The following PHEX variants were observed in gnomAD, a reference collection of about 807,000 sequenced individuals.
PHEX encodes phosphate regulating endopeptidase X-linked, also known as phosphate-regulating neutral endopeptidase PHEX.
PHEX carries 16 observed loss-of-function variants against 68.0 expected under a neutral mutation model. The ratio of observed to expected loss-of-function variants is 0.24; its 90% CI spans 0.16 to 0.36. PHEX has a LOEUF of 0.36. Ranked by LOEUF, PHEX falls within the 10% of genes least tolerant of loss-of-function variation. PHEX has a pLI of 1.00. For missense variants in PHEX, 480 were observed against 575.5 expected, an observed-to-expected ratio of 0.83 and a Z score of 1.70; for synonymous variants, 208 against 205.1, an observed-to-expected ratio of 1.01 and a Z score of -0.12.
At chrX:22,068,248 C>T (rs922321166) in intron 3 of PHEX, among the ~76,000 whole-genome samples, 4 of 111,939 alleles carry the variant, frequency 3.6e-5, no homozygotes, top group Non-Finnish European at 7.5e-5. Flanking sequence ...TTGTTCTGTT[C>T]TAACCTCACC....
At chrX:22,191,985 C>G (rs1289977690) in intron 15 of PHEX, among the ~76,000 whole-genome samples, 1 of 112,034 alleles carries the variant, frequency 8.9e-6, no homozygotes, top group Non-Finnish European at 1.9e-5. Flanking sequence ...CAGAACAATT[C>G]TACACATGGT....
chrX:22,221,828 C>CAA (rs1024305441), intron 18 of PHEX, 85 bp downstream of exon 18: 72 of 870,465 alleles, frequency 8.3e-5, no homozygotes, highest in Non-Finnish European at 1.2e-4. Context: ...CATTGGTTCT[C>CAA]AAAGCGTGTT....
At chrX:22,207,326 G>C (rs1010215090) in intron 15 of PHEX, among the ~76,000 whole-genome samples, 1 of 112,406 alleles carries the variant, frequency 8.9e-6, no homozygotes, top group Admixed American at 9.4e-5. Context: ...CCTGAAATAG[G>C]AGTGGAATTT....
At chrX:22,197,779 G>A (rs1176544741) in intron 15 of PHEX, among the ~76,000 whole-genome samples, 2 of 111,077 alleles carry the variant, frequency 1.8e-5, no homozygotes, top group African/African-American at 6.5e-5. Flanking sequence ...ACTGAGTTTG[G>A]TAGGAGGGTA....
intron 3 of PHEX, among the ~76,000 whole-genome samples, chrX:22,068,628 A>G (rs1928725857): frequency 8.9e-6 from 1 of 111,782 alleles, no homozygotes; most frequent in Non-Finnish European, 1.9e-5. Context: ...TTGCCTGCAC[A>G]ATGGAGTTAT....
rs774804381 is a variant in PHEX, at chrX:22,062,962, T to C, written c.350-13426T>C. Reference sequence around the variant, plus strand: ...TTTTAGTAAAGACGGGGTTTCACCATGTTGGACAGGCTGGTCTCGAACCCC... The same window carrying C: ...TTTTAGTAAAGACGGGGTTTCACCACGTTGGACAGGCTGGTCTCGAACCCC... On this transcript the variant is annotated intron_variant, in intron 3 of 21. Transcript: ENST00000379374. Among the ~76,000 whole-genome samples, 171 of 111,181 alleles carry C rather than the reference T, an allele frequency of 1.5e-3. 1 individual carries two copies. Among genetic ancestry groups the C allele is most frequent in the African/African-American group, 5.4e-3 (166 of 30,604 alleles).
chrX:22,137,507 C>G (rs911545010), intron 12 of PHEX, among the ~76,000 whole-genome samples: 6 of 111,462 alleles, frequency 5.4e-5, no homozygotes, highest in African/African-American at 2.0e-4. Flanking sequence ...GAGGGCGAAA[C>G]AGAGGTGTAG....
chrX:22,080,730 CA>C (rs376410869), intron 5 of PHEX, among the ~76,000 whole-genome samples: 1 of 72,978 alleles, frequency 1.4e-5, no homozygotes, highest in Non-Finnish European at 2.9e-5. Flanking sequence ...AAAAAACAAA[CA>C]AAAAAAATAA....
At chrX:22,181,967 T>C (rs978908830) in intron 14 of PHEX, among the ~76,000 whole-genome samples, 1 of 112,134 alleles carries the variant, frequency 8.9e-6, no homozygotes, top group African/African-American at 3.2e-5. Flanking sequence ...TTAATAGTTT[T>C]TTTGGTAGAA....
rs1935249334 is a variant in PHEX, at chrX:22,220,963, T to C, written c.1769-650T>C. ...AGAGTGAGCACATAGCAAGAAAGCA[T>C]GTGTAATCTTTCTTCCCATTGTGTT... On this transcript the variant is annotated intron_variant, in intron 17 of 21. Coordinates refer to ENST00000379374, the MANE Select transcript of PHEX (RefSeq NM_000444.6). Among the ~76,000 whole-genome samples, 3 of 112,378 alleles carry C rather than the reference T, an allele frequency of 2.7e-5. No homozygotes were observed. In the South Asian group the frequency reaches 1.1e-3, roughly 42 times the overall value.
intron 11 of PHEX, among the ~76,000 whole-genome samples, chrX:22,119,230 C>T (rs1931378179): frequency 8.9e-6 from 1 of 112,167 alleles, no homozygotes. Context: ...CCTTACCTCC[C>T]TTTCTTCCCC....
At chrX:22,174,936 G>T (rs1305848714) in intron 13 of PHEX, among the ~76,000 whole-genome samples, 2 of 111,724 alleles carry the variant, frequency 1.8e-5, no homozygotes, top group African/African-American at 3.3e-5. Context: ...TAAGACCAAC[G>T]AAAATAACAT....
intron 11 of PHEX, among the ~76,000 whole-genome samples, chrX:22,123,833 CTT>C (rs755194382): frequency 2.0e-4 from 17 of 83,031 alleles, no homozygotes; most frequent in Non-Finnish European, 1.7e-4. Flanking sequence ...ATTTCTTTTT[CTT>C]TTTTTTTTTT....
At chrX:22,065,310 A>G (rs1003358578) in intron 3 of PHEX, among the ~76,000 whole-genome samples, 12 of 112,622 alleles carry the variant, frequency 1.1e-4, no homozygotes, top group African/African-American at 3.9e-4. Flanking sequence ...AAGTTTACCT[A>G]TGTCACTAGG....
chrX:22,095,836 A>G (rs189040094), intron 7 of PHEX, among the ~76,000 whole-genome samples: 20 of 112,529 alleles, frequency 1.8e-4, no homozygotes, highest in African/African-American at 5.8e-4. Context: ...ACATAGTCCT[A>G]TGGAAACTTC....
chrX:22,162,226 G>T (rs192908752), intron 12 of PHEX, among the ~76,000 whole-genome samples: 1 of 112,221 alleles, frequency 8.9e-6, no homozygotes, highest in African/African-American at 3.2e-5. Flanking sequence ...CATATGCAGA[G>T]TCTGGCTTTG....
At position 22,061,571 on chromosome X, in the gene PHEX, A is replaced by G. The variant is rs538760705; in HGVS notation, c.349+14360A>G. On this transcript the variant is annotated intron_variant, in intron 3 of 21. Coordinates refer to ENST00000379374, the MANE Select transcript of PHEX (RefSeq NM_000444.6). ...CTGGGCACTTTATTGAGGTGACCTT[A>G]TTTAATAATATCATTAGTTATCATT... Among the ~76,000 whole-genome samples, 4 of 111,689 alleles carry G rather than the reference A, an allele frequency of 3.6e-5. No individual in the cohort carries two copies. In the South Asian group the frequency reaches 1.5e-3, roughly 42 times the overall value.
At chrX:22,134,445 T>C (rs1044330348) in intron 12 of PHEX, among the ~76,000 whole-genome samples, 1 of 111,071 alleles carries the variant, frequency 9.0e-6, no homozygotes, top group African/African-American at 3.3e-5. Context: ...ACAAAAAAAT[T>C]AGTCGGGTGT....
intron 12 of PHEX, among the ~76,000 whole-genome samples, chrX:22,136,270 T>C (rs776171733): frequency 1.2e-3 from 134 of 111,695 alleles, no homozygotes; most frequent in Non-Finnish European, 1.8e-3. Flanking sequence ...TGCCTAATAA[T>C]TCCTTGAATC....
Sources: gnomAD v4.1 joint callset for allele counts (sites outside exome capture counted in the v4.1 genomes callset) on GRCh38, gnomAD v4.1.1 for gene constraint, MANE v1.5 for transcripts, NCBI Gene and HGNC (gene_info 2026-07-23, HGNC 2026-07-21) for gene names.